The following AGBL4 variants were observed in gnomAD, a reference collection of about 807,000 sequenced individuals.
The protein encoded by AGBL4 is cytosolic carboxypeptidase 6.
A neutral mutation model predicts 66.4 loss-of-function variants in AGBL4; 58 were observed. That is an observed-to-expected ratio of 0.87 (90% CI 0.71 to 1.09). The LOEUF (loss-of-function observed/expected upper bound fraction) is 1.09. Among genes scored for constraint, AGBL4 ranks in the 50% least tolerant of loss-of-function variants. The pLI, the probability that AGBL4 is intolerant of heterozygous loss-of-function variation, is 0.00. For synonymous variants in AGBL4, 234 were observed against 222.9 expected (o/e 1.05, Z -0.44); for missense variants, 579 against 631.0 (o/e 0.92, Z 0.88).
chr1:48,552,108 G>C (rs1190272932), intron 11 of AGBL4, among the ~76,000 whole-genome samples: 1 of 152,096 alleles, frequency 6.6e-6, no homozygotes, highest in African/African-American at 2.4e-5. Context: ...CTGTCGCTCA[G>C]GCTGGAGTGG....
At chr1:49,469,302 TATTTTTTCC>T (rs1410000864) in intron 3 of AGBL4, among the ~76,000 whole-genome samples, 1 of 151,820 alleles carries the variant, frequency 6.6e-6, no homozygotes, top group African/African-American at 2.4e-5. Context: ...TTTTTAAAAT[TATTTTTTCC>T]AGTATTATAT....
chr1:48,943,505 C>T (rs1160299378), intron 5 of AGBL4, among the ~76,000 whole-genome samples: 1 of 152,092 alleles, frequency 6.6e-6, no homozygotes, highest in Non-Finnish European at 1.5e-5. Context: ...GTCCTTATAC[C>T]CCCACATACA....
At chr1:49,557,397 T>C (rs1450715686) in intron 3 of AGBL4, among the ~76,000 whole-genome samples, 2 of 152,032 alleles carry the variant, frequency 1.3e-5, no homozygotes, top group East Asian at 3.9e-4. Flanking sequence ...GAAAAAATAG[T>C]CTTGACTCAC....
At chr1:49,982,712 A>T (rs542249932) in intron 1 of AGBL4, among the ~76,000 whole-genome samples, 3 of 152,188 alleles carry the variant, frequency 2.0e-5, no homozygotes, top group African/African-American at 7.2e-5. Context: ...CATGCACTTC[A>T]TCCCCTCTGA....
At chr1:49,988,093 G>T (rs1659653026) in intron 1 of AGBL4, among the ~76,000 whole-genome samples, 1 of 151,950 alleles carries the variant, frequency 6.6e-6, no homozygotes, top group Non-Finnish European at 1.5e-5. Flanking sequence ...TATTTAGCTT[G>T]CTTAAAACAG....
chr1:49,731,387 T>C (rs1025704616), intron 2 of AGBL4, among the ~76,000 whole-genome samples: 3 of 152,182 alleles, frequency 2.0e-5, no homozygotes, highest in Admixed American at 6.5e-5. Context: ...TTGTAAAACA[T>C]AAAGCACTGT....
At chr1:49,015,073 G>T (rs1662711169) in intron 5 of AGBL4, among the ~76,000 whole-genome samples, 1 of 152,158 alleles carries the variant, frequency 6.6e-6, no homozygotes, top group Non-Finnish European at 1.5e-5. Context: ...GGAATCTACT[G>T]CGTAGGACTA....
intron 4 of AGBL4, among the ~76,000 whole-genome samples, chr1:49,072,187 C>T (rs928455261): frequency 1.3e-5 from 2 of 152,136 alleles, no homozygotes; most frequent in African/African-American, 2.4e-5. Flanking sequence ...TGGGTCTTGA[C>T]TCTGTATCCA....
intron 3 of AGBL4, among the ~76,000 whole-genome samples, chr1:49,261,324 G>A (rs1653139808): frequency 6.6e-6 from 1 of 152,136 alleles, no homozygotes; most frequent in Admixed American, 6.5e-5. Context: ...TTAGGCAGGA[G>A]AAGGAAATAA....
intron 3 of AGBL4, among the ~76,000 whole-genome samples, chr1:49,420,987 A>G (rs1260785718): frequency 6.6e-6 from 1 of 152,180 alleles, no homozygotes; most frequent in African/African-American, 2.4e-5. Context: ...CTAGAACACA[A>G]GTAAGTCTCT....
intron 1 of AGBL4, among the ~76,000 whole-genome samples, chr1:49,948,711 C>T (rs934139339): frequency 1.3e-5 from 2 of 150,442 alleles, no homozygotes; most frequent in African/African-American, 4.9e-5. Context: ...AATGGAAGCA[C>T]ATCCTATGTT....
intron 3 of AGBL4, among the ~76,000 whole-genome samples, chr1:49,692,164 T>G (rs1336476043): frequency 6.6e-6 from 1 of 152,192 alleles, no homozygotes; most frequent in African/African-American, 2.4e-5. Context: ...AACATTGTCT[T>G]GTTTAATTTT....
chr1:48,944,084 T>A (rs1282920769), intron 5 of AGBL4, among the ~76,000 whole-genome samples: 1 of 152,134 alleles, frequency 6.6e-6, no homozygotes, highest in Non-Finnish European at 1.5e-5. Flanking sequence ...CAAAAGTGAA[T>A]AAGGCACTGG....
intron 3 of AGBL4, among the ~76,000 whole-genome samples, chr1:49,659,666 C>T (rs1246282191): frequency 6.6e-6 from 1 of 152,130 alleles, no homozygotes. Flanking sequence ...GAGACTTAGA[C>T]TCACGCACAA....
At chr1:49,830,017 T>A (rs1645616899) in intron 2 of AGBL4, among the ~76,000 whole-genome samples, 1 of 152,194 alleles carries the variant, frequency 6.6e-6, no homozygotes, top group African/African-American at 2.4e-5. Context: ...AGCCTATCAT[T>A]AGTGGGCATT....
At chr1:48,895,980 T>C (rs1049634420) in intron 5 of AGBL4, among the ~76,000 whole-genome samples, 6 of 152,208 alleles carry the variant, frequency 3.9e-5, no homozygotes, top group Non-Finnish European at 8.8e-5. Context: ...CTGTGTAGTA[T>C]TGGAACTAAG....
At chr1:49,643,169 T>TA (rs1447185129) in intron 3 of AGBL4, among the ~76,000 whole-genome samples, 2 of 151,590 alleles carry the variant, frequency 1.3e-5, no homozygotes, top group African/African-American at 2.4e-5. Flanking sequence ...ATGCCTGAGA[T>TA]AAAAAATACA....
At chr1:49,741,925 C>G (rs1445692572) in intron 2 of AGBL4, among the ~76,000 whole-genome samples, 1 of 151,986 alleles carries the variant, frequency 6.6e-6, no homozygotes, top group Non-Finnish European at 1.5e-5. Flanking sequence ...CTATCTATGA[C>G]AAACCCACAG....
intron 3 of AGBL4, among the ~76,000 whole-genome samples, chr1:49,524,312 T>A (rs1225653187): frequency 3.3e-5 from 5 of 152,106 alleles, no homozygotes; most frequent in Admixed American, 6.5e-5. Flanking sequence ...ATTGTTAATA[T>A]CCTCATTTTA....
Sources: gnomAD v4.1 joint callset for allele counts (sites outside exome capture counted in the v4.1 genomes callset) on GRCh38, gnomAD v4.1.1 for gene constraint, MANE v1.5 for transcripts, NCBI Gene and HGNC (gene_info 2026-07-23, HGNC 2026-07-21) for gene names.